The following RUVBL1 variants were observed in gnomAD, a reference collection of about 807,000 sequenced individuals.
RUVBL1 encodes ruvB-like 1.
In RUVBL1, 4 loss-of-function variants were observed where a neutral mutation model predicts 52.4. The ratio of observed to expected loss-of-function variants is 0.08; its 90% CI spans 0.04 to 0.17. The LOEUF (loss-of-function observed/expected upper bound fraction) is 0.17, where lower values mean the gene tolerates loss of function less well. Among genes scored for constraint, RUVBL1 ranks in the 10% least tolerant of loss-of-function variants. RUVBL1 has a pLI of 1.00. For synonymous variants in RUVBL1, 217 were observed against 214.4 expected, an observed-to-expected ratio of 1.01 and a Z score of -0.10; for missense variants, 298 against 572.8, an observed-to-expected ratio of 0.52 and a Z score of 4.90.
chr3:128,096,507 G>C lies in RUVBL1; in HGVS notation c.1016+793C>G, dbSNP rs1439930761. 2.0e-5 allele frequency among the ~76,000 whole-genome samples: 3 copies of C among 152,218 alleles called. No homozygotes were observed. In the East Asian group the frequency reaches 5.8e-4, roughly 29 times the overall value. On this transcript the variant is annotated intron_variant, in intron 8 of 10. Coordinates refer to ENST00000322623, the MANE Select transcript of RUVBL1 (RefSeq NM_003707.3). Reference sequence around the variant, plus strand: ...GGAGCGGGAGGATGGAAAGACACCAGTGTGGTTCAGAGGTCTGGGATAGAA... The same window carrying C: ...GGAGCGGGAGGATGGAAAGACACCACTGTGGTTCAGAGGTCTGGGATAGAA...
chr3:128,126,488 G>A (rs988188246), upstream of RUVBL1, among the ~76,000 whole-genome samples: 3 of 151,930 alleles, frequency 2.0e-5, no homozygotes, highest in African/African-American at 7.3e-5. Flanking sequence ...GGAGGTTGCA[G>A]TGAGCCGAGA....
At chr3:128,073,104 A>G (rs1467535622) in intron 9 of RUVBL1, among the ~76,000 whole-genome samples, 1 of 152,150 alleles carries the variant, frequency 6.6e-6, no homozygotes, top group Non-Finnish European at 1.5e-5. Context: ...AGCCAGGACA[A>G]AAAGCCTAAG....
chr3:128,106,791 T>C (rs192558670), intron 3 of RUVBL1, among the ~76,000 whole-genome samples: 4 of 152,328 alleles, frequency 2.6e-5, no homozygotes, highest in African/African-American at 9.6e-5. Flanking sequence ...TGTTATAGCC[T>C]GTATCACCGA....
In RUVBL1 at chr3:128,097,016, C is replaced by G. The variant is rs1576454003; in HGVS notation, c.1016+284G>C. 3.9e-5 allele frequency among the ~76,000 whole-genome samples: 6 copies of G among 152,182 alleles called. No homozygotes were observed. In the South Asian group the frequency reaches 1.2e-3, roughly 32 times the overall value. ...GTGTATAATGTCATCAAAGGCTAGCCCTGTCTGATCTCACCTTTGTACACT... is the reference window on the plus strand; with the variant it reads ...GTGTATAATGTCATCAAAGGCTAGCGCTGTCTGATCTCACCTTTGTACACT... On this transcript the variant is annotated intron_variant, in intron 8 of 10. Coordinates refer to ENST00000322623, the MANE Select transcript of RUVBL1 (RefSeq NM_003707.3).
At chr3:128,077,706 G>C (rs939201401), downstream of RUVBL1, among the ~76,000 whole-genome samples, 1 of 152,244 alleles carries the variant, frequency 6.6e-6, no homozygotes, top group Admixed American at 6.5e-5. Flanking sequence ...CCCTGAGCCA[G>C]TGCTGGCCCC....
At chr3:128,090,524 A>T (rs1288429419) in intron 8 of RUVBL1, among the ~76,000 whole-genome samples, 2 of 151,940 alleles carry the variant, frequency 1.3e-5, no homozygotes, top group Non-Finnish European at 2.9e-5. Flanking sequence ...GTCTCAAAAC[A>T]AAAAAAAATT....
At chr3:128,080,501 T>C (rs1242473600), downstream of RUVBL1, among the ~76,000 whole-genome samples, 1 of 152,210 alleles carries the variant, frequency 6.6e-6, no homozygotes. Context: ...CGATGAGTCA[T>C]GTTGCTAGCA....
At chr3:128,099,675 T>C (rs1943070445) in intron 6 of RUVBL1, among the ~76,000 whole-genome samples, 2 of 152,172 alleles carry the variant, frequency 1.3e-5, no homozygotes, top group South Asian at 4.1e-4. Flanking sequence ...TGATCACCTG[T>C]TGGTTACCAG....
intron 9 of RUVBL1, chr3:128,084,531 C>G (rs1942579670): frequency 6.6e-6 from 1 of 152,134 alleles, no homozygotes; most frequent in South Asian, 2.1e-4. Context: ...AGCTAAGTGC[C>G]TCGCCTTCAG....
At position 128,098,784 on chromosome 3, in the gene RUVBL1, T is replaced by C. The variant is rs74652042; in HGVS notation, c.817+98A>G. The C allele has an allele frequency of 3.4e-3, 3,468 of 1,018,678 alleles. 76 individuals are homozygous for C. The African/African-American group carries it at 0.046, about 14-fold the overall frequency. 63.1% of individuals were successfully genotyped at this position (1,018,678 alleles called of 1,614,324 possible). On this transcript the variant is annotated intron_variant, in intron 7 of 10. Transcript: ENST00000322623. ...GGAAGAAAGAACTGTTCTGAGGCAT[T>C]TCCTCAGGGCGACTGTGCTCACAGA... is the stretch of plus-strand genomic sequence containing the variant.
intron 1 of RUVBL1, among the ~76,000 whole-genome samples, chr3:128,151,158 T>C (rs1274253171): frequency 7.7e-6 from 1 of 130,306 alleles, no homozygotes; most frequent in African/African-American, 2.9e-5. Flanking sequence ...ATTCTATATA[T>C]ATTCTATATA....
chr3:128,066,834 A>G, intron 9 of RUVBL1: 1 of 905,008 alleles, frequency 1.1e-6, no homozygotes, highest in East Asian at 2.6e-5. Context: ...GGAGCCCCAG[A>G]ACCAGCACAC....
chr3:128,130,827 T>C (rs1198814459), intron 1 of RUVBL1, among the ~76,000 whole-genome samples: 4 of 151,858 alleles, frequency 2.6e-5, no homozygotes, highest in Non-Finnish European at 5.9e-5. Flanking sequence ...TTTTTTTGTA[T>C]TTTTAGTAGA....
Position 128,067,774 on chromosome 3 carries a change from C to A in RUVBL1, c.940-2554G>T. On this transcript the variant is annotated intron_variant, in intron 9 of 9. Coordinates refer to the RUVBL1 transcript ENST00000464873. The surrounding 1 kb of genome is among the most constrained non-coding windows in gnomAD (Gnocchi z 4.1). Reference sequence around the variant, plus strand: ...GCTTTAAGGGCTGACAGATGGAGTCCAGCAGTAGATCAGCTGTGGGTATGA... The same window carrying A: ...GCTTTAAGGGCTGACAGATGGAGTCAAGCAGTAGATCAGCTGTGGGTATGA... 1 of 671,484 alleles carries A rather than the reference C, an allele frequency of 1.5e-6. No homozygotes were observed. The highest frequency in any genetic ancestry group is 1.9e-5 in the South Asian group (1 of 53,972). 41.6% of individuals were successfully genotyped at this position (671,484 alleles called of 1,614,324 possible).
chr3:128,095,233 C>T (rs764552922), intron 8 of RUVBL1, among the ~76,000 whole-genome samples: 2 of 152,224 alleles, frequency 1.3e-5, no homozygotes, highest in African/African-American at 2.4e-5. Context: ...ACTTCTGAGA[C>T]GAGAGATGCC....
At chr3:128,110,690 A>G (rs1394612801) in intron 3 of RUVBL1, among the ~76,000 whole-genome samples, 1 of 152,054 alleles carries the variant, frequency 6.6e-6, no homozygotes, top group African/African-American at 2.4e-5. Flanking sequence ...ACAGTCACAA[A>G]CTTCAATGCT....
At chr3:128,145,208 C>G (rs149178004) in intron 1 of RUVBL1, among the ~76,000 whole-genome samples, 3 of 152,050 alleles carry the variant, frequency 2.0e-5, no homozygotes, top group African/African-American at 7.2e-5. Flanking sequence ...ATAGACATAC[C>G]AATTCATATA....
chr3:128,079,575 C>T (rs371170470), downstream of RUVBL1, among the ~76,000 whole-genome samples: 1 of 152,166 alleles, frequency 6.6e-6, no homozygotes, highest in Admixed American at 6.5e-5. Context: ...TAAAGACAAG[C>T]GCAGCCTCAG....
chr3:128,077,121 C>T (rs573936621), downstream of RUVBL1, among the ~76,000 whole-genome samples: 3 of 151,916 alleles, frequency 2.0e-5, no homozygotes, highest in African/African-American at 7.2e-5. Flanking sequence ...GGCCTGACAG[C>T]CGCATCCGTC....
Sources: allele counts gnomAD v4.1 joint callset (sites outside exome capture counted in the v4.1 genomes callset), GRCh38; gene constraint gnomAD v4.1.1; non-coding constraint Gnocchi (gnomAD v3.1); transcripts MANE v1.5; gene names NCBI Gene and HGNC (gene_info 2026-07-23, HGNC 2026-07-21).